Variants in CD1B observed in about 807,000 individuals in gnomAD.
CD1B encodes CD1b molecule.
Under a neutral mutation model 39.8 loss-of-function variants are expected in CD1B, and 43 were observed. That is an observed-to-expected ratio of 1.08 (90% CI 0.85 to 1.39). The LOEUF (loss-of-function observed/expected upper bound fraction) is 1.39. Ranked by LOEUF, CD1B falls within the 40% of genes most tolerant of loss-of-function variation. The pLI is 0.00. For missense variants in CD1B, 495 were observed against 403.8 expected (o/e 1.23, Z -1.94); for synonymous variants, 192 against 152.5 (o/e 1.26, Z -1.91).
the CD1B span, among the ~76,000 whole-genome samples, chr1:158,287,405 T>C: frequency 0.033 from 5,089 of 152,148 alleles, 277 homozygotes; most frequent in African/African-American, 0.11. Flanking sequence ...TGGATCAGGG[T>C]CTTACCGTTT....
In CD1B at chr1:158,329,425, C is replaced by A. The variant is rs781566909; in HGVS notation, c.831G>T (p.Leu277=). The A allele has an allele frequency of 2.4e-5, 38 of 1,614,064 alleles. 1 individual carries two copies. In the South Asian group the frequency reaches 3.6e-4, roughly 15 times the overall value. The change falls in exon 4 of 6, where the codon CTG becomes CTT. Residue 277 remains leucine (L), a synonymous_variant. Coordinates refer to ENST00000368168, the MANE Select transcript of CD1B (RefSeq NM_001764.3). ...LDVADGEAAG[L]SCRVKHSSLE... The stretch of plus-strand genomic sequence containing the variant: ...AACTGCTGTGCTTCACCCGACAGGA[C>A]AGGCCAGCCGCCTCCCCATCTGCCA...
At chr1:158,292,829 G>C in the CD1B span, 3 of 1,614,206 alleles carry the variant, frequency 1.9e-6, no homozygotes, top group Non-Finnish European at 2.5e-6. Context: ...GTCTTGTCGA[G>C]TGAGACACAG....
At position 158,328,243 on chromosome 1, in the gene CD1B, A is replaced by G; in HGVS notation, c.995T>C (p.Ile332Thr). The change falls in exon 6 of 6, where the codon ATC becomes ACC. Residue 332 changes from isoleucine (I) to threonine (T), a missense_variant. Transcript: ENST00000368168. The stretch of plus-strand genomic sequence containing the variant: ...AGGAGACATGATGATGGCTCATGGG[A>G]TATTCTGATATGACCTGTTAAAAAC... ...WYMRRRSYQNIP is the reference protein window; with the variant it reads ...WYMRRRSYQNTP The G allele has an allele frequency of 6.2e-7, 1 of 1,612,308 alleles. No individual in the cohort carries two copies. Among genetic ancestry groups the G allele is most frequent in the Non-Finnish European group, 8.5e-7 (1 of 1,178,602 alleles).
At chr1:158,294,659 C>G in the CD1B span, among the ~76,000 whole-genome samples, 2 of 152,166 alleles carry the variant, frequency 1.3e-5, no homozygotes, top group Non-Finnish European at 2.9e-5. Context: ...TGTTTGTAGT[C>G]AAGCACACCA....
the CD1B span, among the ~76,000 whole-genome samples, chr1:158,312,184 C>T: frequency 6.6e-6 from 1 of 152,106 alleles, no homozygotes; most frequent in South Asian, 2.1e-4. Flanking sequence ...CTTGTAGCCA[C>T]CATAATTCCC....
intron 1 of CD1B, 147 bp downstream of exon 1, chr1:158,331,216 C>T (rs1407203268): frequency 9.3e-7 from 1 of 1,073,082 alleles, no homozygotes; most frequent in Non-Finnish European, 1.4e-6. Context: ...GCTTCAGGTT[C>T]TAGTCCCAAC....
chr1:158,305,306 C>T, the CD1B span, among the ~76,000 whole-genome samples: 4 of 151,928 alleles, frequency 2.6e-5, no homozygotes, highest in South Asian at 2.1e-4. Context: ...CCTCAGTAGC[C>T]GATGGGATCA....
chr1:158,330,747 A>G, intron 2 of CD1B, 49 bp downstream of exon 2: 1 of 1,589,402 alleles, frequency 6.3e-7, no homozygotes, highest in Non-Finnish European at 8.6e-7. Flanking sequence ...CAAAAAAGAG[A>G]GAAAAGAGAG....
chr1:158,291,500 A>T, the CD1B span: 1 of 1,219,330 alleles, frequency 8.2e-7, no homozygotes, highest in Non-Finnish European at 1.2e-6. Context: ...ATCCCATCCC[A>T]CCATAAAATT....
downstream of CD1B, among the ~76,000 whole-genome samples, chr1:158,325,009 TGTG>T (rs1652303770): frequency 6.6e-6 from 1 of 152,066 alleles, no homozygotes; most frequent in Non-Finnish European, 1.5e-5. Flanking sequence ...ATTGATCACT[TGTG>T]GAGAATGCCA....
chr1:158,310,367 T>TGGA, the CD1B span, among the ~76,000 whole-genome samples: 7 of 152,178 alleles, frequency 4.6e-5, no homozygotes, highest in African/African-American at 1.7e-4. Context: ...ACAGAAATCT[T>TGGA]GGAAGAAAAC....
At chr1:158,319,923 G>A in the CD1B span, among the ~76,000 whole-genome samples, 2 of 151,968 alleles carry the variant, frequency 1.3e-5, no homozygotes, top group South Asian at 2.1e-4. Flanking sequence ...ACCCTGCCGT[G>A]TGAGGTGTCA....
the CD1B span, among the ~76,000 whole-genome samples, chr1:158,302,930 C>T: frequency 1.3e-5 from 2 of 151,964 alleles, no homozygotes; most frequent in Non-Finnish European, 2.9e-5. Flanking sequence ...CTAACTAATT[C>T]TATGAGATAA....
At chr1:158,318,440 T>C in the CD1B span, among the ~76,000 whole-genome samples, 1 of 152,236 alleles carries the variant, frequency 6.6e-6, no homozygotes, top group Admixed American at 6.5e-5. Context: ...TCTCTTTTGA[T>C]CTTTATTAGT....
chr1:158,291,238 C>G, the CD1B span: 1 of 1,614,150 alleles, frequency 6.2e-7, no homozygotes, highest in Non-Finnish European at 8.5e-7. Flanking sequence ...GTTGCAGACT[C>G]ATGGCTGGGA....
chr1:158,317,633 T>G, the CD1B span, among the ~76,000 whole-genome samples: 1 of 152,178 alleles, frequency 6.6e-6, no homozygotes, highest in Non-Finnish European at 1.5e-5. Context: ...TTCATTAATT[T>G]TTTGAAGGGT....
the CD1B span, chr1:158,291,344 A>T: frequency 3.1e-6 from 5 of 1,613,902 alleles, no homozygotes; most frequent in South Asian, 5.5e-5. Flanking sequence ...TTTCGTTTCT[A>T]CCTCTTTGGA....
the CD1B span, chr1:158,291,139 C>T: frequency 4.3e-6 from 7 of 1,612,268 alleles, no homozygotes; most frequent in Non-Finnish European, 5.9e-6. Flanking sequence ...AAAAGCATCC[C>T]AGGAACACGT....
chr1:158,293,206 G>C, the CD1B span: 1 of 1,607,852 alleles, frequency 6.2e-7, no homozygotes, highest in Non-Finnish European at 8.5e-7. Flanking sequence ...TTTCCAATAT[G>C]TGCAGGACAC....
Sources: allele counts gnomAD v4.1 joint callset (sites outside exome capture counted in the v4.1 genomes callset), GRCh38; gene constraint gnomAD v4.1.1; transcripts MANE v1.5; gene names NCBI Gene and HGNC (gene_info 2026-07-23, HGNC 2026-07-21).